The following ART3 variants were observed in gnomAD, a reference collection of about 807,000 sequenced individuals.
ART3 encodes ADP-ribosyltransferase 3 (inactive).
In ART3, 49 loss-of-function variants were observed where a neutral mutation model predicts 48.5. That is an observed-to-expected ratio of 1.01 (90% CI 0.80 to 1.28). The LOEUF is 1.28. Among genes scored for constraint, ART3 ranks in the 50% most tolerant of loss-of-function variants. The pLI is 0.00. For missense variants in ART3, 438 were observed against 454.3 expected (o/e 0.96, Z 0.33); for synonymous variants, 145 against 157.2 (o/e 0.92, Z 0.58).
chr4:76,053,754 T>G (rs1162748359), intron 1 of ART3, among the ~76,000 whole-genome samples: 1 of 152,226 alleles, frequency 6.6e-6, no homozygotes, highest in Admixed American at 6.5e-5. Flanking sequence ...AGACTAACCC[T>G]CTTTTCCATG....
rs527947776 is a variant in ART3, at chr4:76,109,975, G to A, written c.1036+2182G>A. Among the ~76,000 whole-genome samples the A allele has an allele frequency of 6.5e-4, 99 of 152,206 alleles. 1 individual carries two copies. The highest frequency in any genetic ancestry group is 3.4e-3 in the Middle Eastern group (1 of 294). Reference sequence around the variant, plus strand: ...GGATACTTCCAGTCAACGCTTCCCCGTAGTTCAAACAAAAAGAGTTTAGGT... The same window carrying A: ...GGATACTTCCAGTCAACGCTTCCCCATAGTTCAAACAAAAAGAGTTTAGGT... On this transcript the variant is annotated intron_variant, in intron 11 of 11. Transcript: ENST00000355810.
chr4:76,097,847 C>G (rs1345171956), intron 4 of ART3, among the ~76,000 whole-genome samples, 171 bp downstream of exon 4: 1 of 152,144 alleles, frequency 6.6e-6, no homozygotes. Context: ...AGCCTAGGAG[C>G]CTTTGCTGCC....
chr4:76,066,322 AGAG>A (rs975689829), intron 1 of ART3, among the ~76,000 whole-genome samples: 1 of 152,084 alleles, frequency 6.6e-6, no homozygotes, highest in African/African-American at 2.4e-5. Flanking sequence ...AGGAAGAAGA[AGAG>A]GAGATTTATT....
At chr4:76,112,328 G>A in intron 11 of ART3, 58 bp from the exon 12 acceptor site, 1 of 1,549,516 alleles carries the variant, frequency 6.5e-7, no homozygotes, top group South Asian at 1.2e-5. Flanking sequence ...TATTTTATAG[G>A]TGGATGATAC....
chr4:76,031,319 C>T (rs916396985), intron 1 of ART3, among the ~76,000 whole-genome samples: 2 of 151,722 alleles, frequency 1.3e-5, no homozygotes, highest in African/African-American at 2.4e-5. Context: ...AAGTGGTATA[C>T]AGAGTTTCTA....
chr4:76,024,306 C>T (rs1184545199), intron 1 of ART3, among the ~76,000 whole-genome samples: 4 of 151,226 alleles, frequency 2.6e-5, no homozygotes, highest in South Asian at 2.1e-4. Flanking sequence ...CGGGGGGGCA[C>T]GCATAGAGAC....
In ART3 at chr4:76,020,786, C is replaced by T. The variant is rs886507881; in HGVS notation, c.-10+9466C>T. Among the ~76,000 whole-genome samples the T allele has an allele frequency of 2.0e-5, 3 of 151,822 alleles. No individual in the cohort carries two copies. The South Asian group carries it at 6.2e-4, about 32-fold the overall frequency. On this transcript the variant is annotated intron_variant, in intron 1 of 9. Transcript: ENST00000341029. ...AGAGGATTACTTGAGCCCAGGAGTT[C>T]GAGGCTGCAGTGAGCTATGATTGCA...
At chr4:76,074,013 A>G (rs1453865149), upstream of ART3, among the ~76,000 whole-genome samples, 1 of 152,156 alleles carries the variant, frequency 6.6e-6, no homozygotes, top group South Asian at 2.1e-4. Context: ...ATTTTGGTGT[A>G]TGTATGCGTG....
chr4:76,083,112 T>G (rs1722837827), intron 3 of ART3, among the ~76,000 whole-genome samples: 1 of 152,116 alleles, frequency 6.6e-6, no homozygotes. Context: ...GTGGGAGGAT[T>G]GCTTGAGCCC....
intron 3 of ART3, among the ~76,000 whole-genome samples, chr4:76,094,296 CTACTT>C (rs1342523027): frequency 6.6e-6 from 1 of 152,164 alleles, no homozygotes; most frequent in Non-Finnish European, 1.5e-5. Context: ...GTTGTAATGA[CTACTT>C]TAATTTACTT....
chr4:76,069,386 CTTTTTTTTTTT>C (rs34858048), intron 1 of ART3, among the ~76,000 whole-genome samples: 1 of 110,162 alleles, frequency 9.1e-6, no homozygotes, highest in Non-Finnish European at 1.8e-5. Context: ...TACTTAATTC[CTTTTTTTTTTT>C]TTTTTTTTTT....
In ART3 at chr4:76,101,076, A is replaced by T. The variant is rs375941831; in HGVS notation, c.937+57A>T. 8.2e-6 allele frequency: 13 copies of T among 1,589,160 alleles called. No individual in the cohort carries two copies. In the African/African-American group the frequency reaches 1.5e-4, roughly 18 times the overall value. ...CATTTTGCAATATATCTCCCTTTAC[A>T]TGTGGGAACAGGGAAGAATGTCGTG... On this transcript the variant is annotated intron_variant, in intron 8 of 11. Coordinates refer to ENST00000355810, the MANE Select transcript of ART3 (RefSeq NM_001130016.3).
chr4:76,104,485 T>C (rs955274954), intron 9 of ART3, 112 bp from the exon 10 acceptor site: 3 of 1,514,386 alleles, frequency 2.0e-6, no homozygotes, highest in Middle Eastern at 1.8e-4. Context: ...CCAGAAACTA[T>C]AGTGCATTGG....
chr4:76,019,766 G>C (rs551332057), intron 1 of ART3, among the ~76,000 whole-genome samples: 6 of 151,458 alleles, frequency 4.0e-5, no homozygotes, highest in Non-Finnish European at 7.4e-5. Context: ...ATCACATTCT[G>C]ATGTATGTCC....
At chr4:76,087,084 T>G (rs989441564) in intron 3 of ART3, among the ~76,000 whole-genome samples, 4 of 152,222 alleles carry the variant, frequency 2.6e-5, no homozygotes, top group Non-Finnish European at 5.9e-5. Flanking sequence ...CCGTTAGTTA[T>G]ATCAAAGCCC....
At position 76,035,073 on chromosome 4, in the gene ART3, AT is replaced by A. The variant is rs1332316589; in HGVS notation, c.-10+23756del. 1.9e-6 allele frequency: 3 copies of A among 1,613,904 alleles called. No individual in the cohort carries two copies. In the South Asian group the frequency reaches 3.3e-5, roughly 18 times the overall value. ...TTGATTATAAGCCTTGCTTGCTTCG[AT>A]TTGGGATTTAGGCATCGTTGTCCTT... is the stretch of plus-strand genomic sequence containing the variant. On this transcript the variant is annotated intron_variant, in intron 1 of 9. Coordinates refer to the ART3 transcript ENST00000341029.
intron 8 of ART3, 43 bp downstream of exon 8, chr4:76,101,062 A>G (rs1271064168): frequency 5.6e-6 from 9 of 1,607,000 alleles, no homozygotes; most frequent in Non-Finnish European, 7.6e-6. Context: ...ATTTTGCAAT[A>G]TATCTCCCTT....
intron 11 of ART3, among the ~76,000 whole-genome samples, chr4:76,108,545 G>C (rs984511250): frequency 2.7e-5 from 4 of 146,548 alleles, no homozygotes; most frequent in Non-Finnish European, 5.9e-5. Flanking sequence ...CCACTCCACT[G>C]TTAGCAATGA....
At chr4:76,069,387 T>TTTG (rs1491287788) in intron 1 of ART3, among the ~76,000 whole-genome samples, 1 of 32,444 alleles carries the variant, frequency 3.1e-5, no homozygotes, top group Admixed American at 4.3e-4. Context: ...ACTTAATTCC[T>TTTG]TTTTTTTTTT....
Sources: allele counts gnomAD v4.1 joint callset (sites outside exome capture counted in the v4.1 genomes callset), GRCh38; gene constraint gnomAD v4.1.1; transcripts MANE v1.5; gene names NCBI Gene and HGNC (gene_info 2026-07-23, HGNC 2026-07-21).